The following RHAG variants were observed in gnomAD, a reference collection of about 807,000 sequenced individuals.
RHAG encodes the protein Rh associated glycoprotein.
A neutral mutation model predicts 42.4 loss-of-function variants in RHAG; 25 were observed. The ratio of observed to expected loss-of-function variants is 0.59; its 90% CI spans 0.43 to 0.82. RHAG has a LOEUF of 0.82. Among genes scored for constraint, RHAG ranks in the 40% least tolerant of loss-of-function variants. The probability of loss-of-function intolerance (pLI) is 0.00; values close to 1 mark genes in which losing one functional copy is unlikely to be tolerated. For missense variants in RHAG, 483 were observed against 504.6 expected (o/e 0.96, Z 0.41); for synonymous variants, 182 against 177.7 (o/e 1.02, Z -0.19).
intron 1 of RHAG, among the ~76,000 whole-genome samples, chr6:49,627,710 C>T (rs533297313): frequency 2.5e-3 from 381 of 152,264 alleles, no homozygotes; most frequent in South Asian, 8.9e-3. Context: ...GCCTCACAAT[C>T]GTGGTGGAAG....
intron 1 of RHAG, chr6:49,632,122 T>G (rs548422030): frequency 1.3e-5 from 2 of 152,334 alleles, no homozygotes; most frequent in East Asian, 3.9e-4. Flanking sequence ...TATTTGCCTT[T>G]TGTGTATGAC....
In RHAG at chr6:49,635,221, C is replaced by T. The variant is rs1308170209; in HGVS notation, c.157+1435G>A. ...TGTGAATTGAAATTTTACCTAGAAGCTTTGATGCTGGGACTTAGAAAGTTC... is the reference window on the plus strand; with the variant it reads ...TGTGAATTGAAATTTTACCTAGAAGTTTTGATGCTGGGACTTAGAAAGTTC... On this transcript the variant is annotated intron_variant, in intron 1 of 9. Coordinates refer to ENST00000371175, the MANE Select transcript of RHAG (RefSeq NM_000324.3). 2.0e-5 allele frequency among the ~76,000 whole-genome samples: 3 copies of T among 151,566 alleles called. No homozygotes were observed. The Admixed American group carries it at 2.0e-4, about 10-fold the overall frequency.
Position 49,605,735 on chromosome 6 carries a change from G to T in RHAG, c.*78C>A. ...TTGATTCTGGATAATGGGAAAGGAA[G>T]CTGGAGAGCAGGAATGGTGTTTAGA... On this transcript the variant is annotated 3_prime_UTR_variant, in exon 10 of 10. Coordinates refer to ENST00000371175, the MANE Select transcript of RHAG (RefSeq NM_000324.3). 1.6e-6 allele frequency: 2 copies of T among 1,277,966 alleles called. No homozygotes were observed. The highest frequency in any genetic ancestry group is 2.3e-6 in the Non-Finnish European group (2 of 873,116). 79.2% of individuals were successfully genotyped at this position (1,277,966 alleles called of 1,614,324 possible).
chr6:49,616,960 C>G (rs1762667386), intron 3 of RHAG, among the ~76,000 whole-genome samples: 1 of 152,156 alleles, frequency 6.6e-6, no homozygotes, highest in Non-Finnish European at 1.5e-5. Flanking sequence ...CTGTGCCTAT[C>G]TTGAAACGCT....
Position 49,612,471 on chromosome 6 carries a change from T to C in RHAG, c.871A>G (p.Ile291Val). 6.2e-7 allele frequency: 1 copy of C among 1,614,060 alleles called. No homozygotes were observed. The change falls in exon 6 of 10, where the codon ATT becomes GTT. Residue 291 changes from isoleucine (I) to valine (V), a missense_variant. Physicochemically the swap from Ile to Val is conservative, Grantham distance 29. Coordinates refer to ENST00000371175, the MANE Select transcript of RHAG (RefSeq NM_000324.3). ...VAVGTCADMA[I>V]HPFGSMIIGS... ...ATAATCATAGAACCAAATGGGTGAA[T>C]TGCCATATCCGCACAAGTGCCCACA...
intron 7 of RHAG, among the ~76,000 whole-genome samples, chr6:49,610,563 T>G (rs1762555680): frequency 6.6e-6 from 1 of 152,186 alleles, no homozygotes; most frequent in African/African-American, 2.4e-5. Flanking sequence ...CATAACTAGT[T>G]AGTAGCAGAG....
intron 9 of RHAG, among the ~76,000 whole-genome samples, chr6:49,606,222 C>T (rs1313415155): frequency 1.3e-5 from 2 of 152,116 alleles, no homozygotes; most frequent in African/African-American, 2.4e-5. Context: ...ATTTCACTTG[C>T]TTTTGACTAC....
At chr6:49,614,574 G>A (rs1207206690) in intron 5 of RHAG, 113 bp downstream of exon 5, 3 of 893,150 alleles carry the variant, frequency 3.4e-6, no homozygotes, top group South Asian at 2.6e-5. Flanking sequence ...TACAAGGTCT[G>A]CTTCTGATTT....
At chr6:49,622,915 A>C (rs1762787832) in intron 1 of RHAG, among the ~76,000 whole-genome samples, 1 of 148,230 alleles carries the variant, frequency 6.7e-6, no homozygotes, top group South Asian at 2.1e-4. Context: ...GGCTCACTGC[A>C]AGCTCCGCCT....
chr6:49,628,883 C>CA (rs1170836487), intron 1 of RHAG, among the ~76,000 whole-genome samples: 3 of 152,126 alleles, frequency 2.0e-5, no homozygotes, highest in African/African-American at 7.2e-5. Flanking sequence ...AGATTTATTG[C>CA]AAAAAGCAAA....
chr6:49,606,104 A>G lies in RHAG; in HGVS notation c.1213-274T>C, dbSNP rs544157719. 7.9e-5 allele frequency among the ~76,000 whole-genome samples: 12 copies of G among 152,288 alleles called. No homozygotes were observed. The East Asian group carries it at 2.1e-3, about 27-fold the overall frequency. Reference sequence around the variant, plus strand: ...CAAGCTTTGCGGGAAATAATTTGGGAAAAAGTATCAATAGAGTAAAGAGAA... The same window carrying G: ...CAAGCTTTGCGGGAAATAATTTGGGGAAAAGTATCAATAGAGTAAAGAGAA... On this transcript the variant is annotated intron_variant, in intron 9 of 9. Transcript: ENST00000371175.
At chr6:49,627,468 T>C (rs4367380) in intron 1 of RHAG, among the ~76,000 whole-genome samples, 34,255 of 152,040 alleles carry the variant, frequency 0.23, 4,199 homozygotes, top group African/African-American at 0.32. Context: ...TTCCAAACTT[T>C]CCCACACCTT....
At chr6:49,621,781 G>T (rs1762762880) in intron 1 of RHAG, among the ~76,000 whole-genome samples, 1 of 152,138 alleles carries the variant, frequency 6.6e-6, no homozygotes, top group African/African-American at 2.4e-5. Flanking sequence ...ATGGGACTCA[G>T]TTATCTTTTA....
At chr6:49,623,406 C>G (rs1198924658) in intron 1 of RHAG, among the ~76,000 whole-genome samples, 1 of 151,960 alleles carries the variant, frequency 6.6e-6, no homozygotes, top group Non-Finnish European at 1.5e-5. Context: ...TGGGTGGGGA[C>G]CAGGGAGAGG....
intron 1 of RHAG, 23 bp from the exon 2 acceptor site, chr6:49,619,385 AT>A (rs1221396309): frequency 6.2e-7 from 1 of 1,603,182 alleles, no homozygotes. Flanking sequence ...AAAGGAAAAA[AT>A]ATCTGCATTA....
At position 49,636,673 on chromosome 6, in the gene RHAG, A is replaced by G. The variant is rs2127360274; in HGVS notation, c.140T>C (p.Phe47Ser). 5.0e-6 allele frequency: 8 copies of G among 1,613,926 alleles called. 1 individual carries two copies. In the South Asian group the frequency reaches 6.6e-5, roughly 13 times the overall value. ...NITKPTDMGI[F>S]FELYPLFQDV... ...CTACTCACGAGGATATAACTCAAAG[A>G]ATATGCCCATGTCTGTTGGCTTGGT... The change falls in exon 1 of 10, where the codon TTC (phenylalanine) becomes TCC (serine). Residue 47 changes from phenylalanine to serine, a missense_variant. Physicochemically the swap from Phe to Ser is radical, Grantham distance 155 (BLOSUM62 -2). Transcript: ENST00000371175.
At chr6:49,630,470 C>T (rs1469850886) in intron 1 of RHAG, among the ~76,000 whole-genome samples, 1 of 152,154 alleles carries the variant, frequency 6.6e-6, no homozygotes, top group Non-Finnish European at 1.5e-5. Flanking sequence ...TGGCTCAAGG[C>T]TGGCAAGGTA....
chr6:49,614,643 G>C, intron 5 of RHAG, 44 bp downstream of exon 5: 1 of 1,578,364 alleles, frequency 6.3e-7, no homozygotes, highest in Admixed American at 1.7e-5. Context: ...GCAACTGTCA[G>C]TGTTGTGAAG....
At chr6:49,621,685 G>A (rs1762761837) in intron 1 of RHAG, among the ~76,000 whole-genome samples, 1 of 152,066 alleles carries the variant, frequency 6.6e-6, no homozygotes, top group African/African-American at 2.4e-5. Context: ...ATTTTTGTAT[G>A]TAAAAATTTG....
Sources: allele counts gnomAD v4.1 joint callset (sites outside exome capture counted in the v4.1 genomes callset), GRCh38; gene constraint gnomAD v4.1.1; transcripts MANE v1.5; gene names NCBI Gene and HGNC (gene_info 2026-07-23, HGNC 2026-07-21).